Variants in THSD7A observed in about 807,000 individuals in gnomAD.
THSD7A encodes the protein thrombospondin type 1 domain containing 7A.
In THSD7A, 96 loss-of-function variants were observed where a neutral mutation model predicts 231.3. The observed-to-expected ratio is 0.41, with a 90% confidence interval of 0.35 to 0.49. The LOEUF (loss-of-function observed/expected upper bound fraction) is 0.49, where lower values mean the gene tolerates loss of function less well. THSD7A is among the 20% of genes least tolerant of loss of function. The pLI is 0.05. For synonymous variants in THSD7A, 940 were observed against 743.3 expected, an observed-to-expected ratio of 1.26 and a Z score of -4.30; for missense variants, 2,290 against 2,070.2, an observed-to-expected ratio of 1.11 and a Z score of -2.06.
At position 11,474,500 on chromosome 7, in the gene THSD7A, CTG is replaced by C. The variant is rs767215157; in HGVS notation, c.2084_2085del (p.Thr695SerfsTer14). 6.2e-7 allele frequency: 1 copy of C among 1,613,596 alleles called. No homozygotes were observed. Among genetic ancestry groups the C allele is most frequent in the Non-Finnish European group, 8.5e-7 (1 of 1,179,630 alleles). Reference sequence around the variant, plus strand: ...CAGGGACCAGTTTGCCAGTGGTACACTGTGCAAGGATGCTCATTACAGCTTCG... The same window carrying C: ...CAGGGACCAGTTTGCCAGTGGTACACTGCAAGGATGCTCATTACAGCTTCG... The part of the protein sequence containing the change: ...EVRSCNEHPC[T>X]VYHWQTGPWG... On this transcript the variant is annotated frameshift_variant, in exon 8 of 28. Transcript: ENST00000423059. LOFTEE classifies it high-confidence loss of function. The surrounding 1 kb of genome is among the most constrained non-coding windows in gnomAD (Gnocchi z 4.1).
intron 2 of THSD7A, among the ~76,000 whole-genome samples, chr7:11,615,168 G>C (rs1429741585): frequency 6.6e-6 from 1 of 152,126 alleles, no homozygotes; most frequent in Non-Finnish European, 1.5e-5. Context: ...GCTTCATAAG[G>C]TGTATGCAAC....
chr7:11,656,849 A>G (rs1250888141), intron 1 of THSD7A, among the ~76,000 whole-genome samples: 3 of 151,882 alleles, frequency 2.0e-5, no homozygotes, highest in African/African-American at 7.2e-5. Flanking sequence ...TGTTATTGTA[A>G]GAAAAATCAA....
In THSD7A at chr7:11,693,867, T is replaced by G. The variant is rs1374801243; in HGVS notation, c.191-56906A>C. On this transcript the variant is annotated intron_variant, in intron 1 of 27. Coordinates refer to ENST00000423059, the MANE Select transcript of THSD7A (RefSeq NM_015204.3). ...TTTAATAAGGTTTTATAATATATGA[T>G]ACTTACAACTAATTAGGATATCTCT... 4.0e-5 allele frequency among the ~76,000 whole-genome samples: 6 copies of G among 151,674 alleles called. No individual in the cohort carries two copies. The South Asian group carries it at 6.2e-4, about 16-fold the overall frequency.
At chr7:11,670,413 T>C (rs1268324530) in intron 1 of THSD7A, among the ~76,000 whole-genome samples, 1 of 152,246 alleles carries the variant, frequency 6.6e-6, no homozygotes, top group East Asian at 1.9e-4. Flanking sequence ...CACAATCTGG[T>C]TGGAGCCCGA....
At chr7:11,815,005 G>C (rs1240302168) in intron 1 of THSD7A, among the ~76,000 whole-genome samples, 2 of 151,806 alleles carry the variant, frequency 1.3e-5, no homozygotes, top group Non-Finnish European at 2.9e-5. Flanking sequence ...GTTGATGTTG[G>C]CTGGAAACAT....
intron 9 of THSD7A, among the ~76,000 whole-genome samples, chr7:11,468,720 G>C (rs1432882842): frequency 6.6e-6 from 1 of 152,100 alleles, no homozygotes; most frequent in South Asian, 2.1e-4. Flanking sequence ...TATAGTCTCA[G>C]TGACTTGGGA....
chr7:11,415,092 G>C (rs1783916292), intron 17 of THSD7A, among the ~76,000 whole-genome samples: 1 of 152,188 alleles, frequency 6.6e-6, no homozygotes, highest in Non-Finnish European at 1.5e-5. Context: ...TGTGTAAAAA[G>C]ACTGTAACCT....
intron 1 of THSD7A, among the ~76,000 whole-genome samples, chr7:11,677,021 C>T (rs953800475): frequency 3.3e-5 from 5 of 152,076 alleles, no homozygotes; most frequent in Admixed American, 2.6e-4. Flanking sequence ...GAGAGAAAAA[C>T]GTTGGGTTAC....
intron 6 of THSD7A, among the ~76,000 whole-genome samples, chr7:11,516,261 A>G (rs752167745): frequency 1.3e-5 from 2 of 152,206 alleles, no homozygotes; most frequent in Non-Finnish European, 2.9e-5. Context: ...CTTAAAATGC[A>G]CTTACAAAAT....
intron 16 of THSD7A, among the ~76,000 whole-genome samples, chr7:11,420,228 G>T (rs929527059): frequency 3.9e-5 from 6 of 152,214 alleles, no homozygotes; most frequent in African/African-American, 1.4e-4. Context: ...AGACATTTCA[G>T]ACAACTTCAT....
rs557997632 is a variant in THSD7A, at chr7:11,463,219, G to A, written c.2369-1076C>T. 5.3e-5 allele frequency among the ~76,000 whole-genome samples: 8 copies of A among 152,252 alleles called. 1 individual carries two copies. The South Asian group carries it at 1.2e-3, about 24-fold the overall frequency. On this transcript the variant is annotated intron_variant, in intron 9 of 27. Coordinates refer to ENST00000423059, the MANE Select transcript of THSD7A (RefSeq NM_015204.3). ...TGGAGAAAGTATGATTTGATGATTA[G>A]AACATTGCCATAATGGAATATCCTT...
chr7:11,473,074 G>A (rs748078178), intron 8 of THSD7A, among the ~76,000 whole-genome samples: 7 of 152,114 alleles, frequency 4.6e-5, no homozygotes, highest in African/African-American at 7.2e-5. Flanking sequence ...TATTAAACAT[G>A]TGAAATAGTC....
intron 15 of THSD7A, among the ~76,000 whole-genome samples, chr7:11,425,447 A>G (rs1784286217): frequency 6.6e-6 from 1 of 152,074 alleles, no homozygotes; most frequent in Admixed American, 6.6e-5. Context: ...AAAGTCTGAT[A>G]TTGGTGTACA....
intron 6 of THSD7A, among the ~76,000 whole-genome samples, chr7:11,501,600 A>G (rs1583859027): frequency 1.3e-5 from 2 of 152,348 alleles, no homozygotes; most frequent in East Asian, 3.9e-4. Flanking sequence ...AAGATACAAC[A>G]TGCCAGAATC....
chr7:11,790,243 A>C (rs75351289), intron 1 of THSD7A, among the ~76,000 whole-genome samples: 2,444 of 152,010 alleles, frequency 0.016, 57 homozygotes, highest in African/African-American at 0.056. Context: ...AGCTTTCTAC[A>C]TTTCTCTACC....
chr7:11,473,971 A>G (rs924046891), intron 8 of THSD7A, among the ~76,000 whole-genome samples: 1 of 152,038 alleles, frequency 6.6e-6, no homozygotes, highest in African/African-American at 2.4e-5. Context: ...GCCTACGGGT[A>G]TATAGGAGGT....
At position 11,636,411 on chromosome 7, in the gene THSD7A, C is replaced by T. The variant is rs749968248; in HGVS notation, c.741G>A (p.Glu247=). 6.2e-7 allele frequency: 1 copy of T among 1,613,754 alleles called. No homozygotes were observed. Among genetic ancestry groups the T allele is most frequent in the Non-Finnish European group, 8.5e-7 (1 of 1,179,884 alleles). Residue 247 remains glutamate, a synonymous_variant, in exon 2 of 28, where the codon GAG becomes GAA. Coordinates refer to ENST00000423059, the MANE Select transcript of THSD7A (RefSeq NM_015204.3). This position sits in a 1 kb window ranked among gnomAD's most constrained non-coding sequence, Gnocchi z 10.0. Reference sequence around the variant, plus strand: ...GCAGGCTGTACCTGAGCTCCTCGGCCTCGCATGGACTGGATTGGCACACCT... The same window carrying T: ...GCAGGCTGTACCTGAGCTCCTCGGCTTCGCATGGACTGGATTGGCACACCT... ...EFQVCQSSPC[E]AEELRYSLHV...
chr7:11,720,909 C>G (rs1413343328), intron 1 of THSD7A, among the ~76,000 whole-genome samples: 1 of 151,736 alleles, frequency 6.6e-6, no homozygotes, highest in African/African-American at 2.4e-5. Flanking sequence ...ACTCTACCCA[C>G]CCCTTAACTG....
At chr7:11,475,526 G>T (rs1451804656) in intron 7 of THSD7A, among the ~76,000 whole-genome samples, 1 of 150,490 alleles carries the variant, frequency 6.6e-6, no homozygotes, top group African/African-American at 2.4e-5. Flanking sequence ...GGAAGTGATG[G>T]TATTTACTTA....
Sources: gnomAD v4.1 joint callset for allele counts (sites outside exome capture counted in the v4.1 genomes callset) on GRCh38, gnomAD v4.1.1 for gene constraint, Gnocchi (gnomAD v3.1) non-coding constraint, MANE v1.5 for transcripts, NCBI Gene and HGNC (gene_info 2026-07-23, HGNC 2026-07-21) for gene names.